Variants in PPP2R5A observed in about 807,000 individuals in gnomAD.
PPP2R5A encodes the protein protein phosphatase 2 regulatory subunit B'alpha.
In PPP2R5A, 25 loss-of-function variants were observed where a neutral mutation model predicts 64.2. The ratio of observed to expected loss-of-function variants is 0.39; its 90% confidence interval spans 0.28 to 0.54. PPP2R5A has a LOEUF of 0.54. Among genes scored for constraint, PPP2R5A ranks in the 20% least tolerant of loss-of-function variants. PPP2R5A has a pLI of 0.67. For missense variants in PPP2R5A, 425 were observed against 576.3 expected, an observed-to-expected ratio of 0.74 and a Z score of 2.69; for synonymous variants, 198 against 201.2, an observed-to-expected ratio of 0.98 and a Z score of 0.13.
intron 11 of PPP2R5A, 40 bp downstream of exon 11, chr1:212,357,324 T>C (rs1413687917): frequency 7.5e-6 from 11 of 1,461,796 alleles, no homozygotes; most frequent in Non-Finnish European, 1.0e-5. Flanking sequence ...TTTCTTTTTT[T>C]TTTTTTATAT....
intron 1 of PPP2R5A, among the ~76,000 whole-genome samples, chr1:212,288,594 C>T (rs1658547587): frequency 6.6e-6 from 1 of 152,026 alleles, no homozygotes; most frequent in Non-Finnish European, 1.5e-5. Flanking sequence ...TCTTTTACTC[C>T]AGATGCCAAA....
chr1:212,286,144 A>G lies in PPP2R5A; in HGVS notation c.34A>G (p.Ser12Gly), dbSNP rs1015768432. The change falls in exon 1 of 13, where the codon AGC becomes GGC. Residue 12 changes from serine to glycine, a missense_variant. Physicochemically the swap from Ser to Gly is moderately conservative, Grantham distance 56. Transcript: ENST00000261461. ...GTCGTCGCCGCCGGCGGGGGCTGCC[A>G]GCGCCGCCATCTCGGCCTCGGAGAA... ...SSSSPPAGAASAAISASEKVD... is the reference protein window; with the variant it reads ...SSSSPPAGAAGAAISASEKVD... 2 of 1,586,478 alleles carry G rather than the reference A, an allele frequency of 1.3e-6. No homozygotes were observed. The highest frequency in any genetic ancestry group is 1.7e-6 in the Non-Finnish European group (2 of 1,168,640).
intron 3 of PPP2R5A, among the ~76,000 whole-genome samples, chr1:212,337,113 C>T (rs966404593): frequency 2.0e-5 from 3 of 152,150 alleles, no homozygotes; most frequent in Non-Finnish European, 4.4e-5. Context: ...AAGGTCATTT[C>T]AGTATTAGGG....
chr1:212,345,194 T>G (rs2102442624), intron 4 of PPP2R5A, among the ~76,000 whole-genome samples: 1 of 152,134 alleles, frequency 6.6e-6, no homozygotes, highest in East Asian at 1.9e-4. Context: ...TGGCCTCATC[T>G]TTTAGTCCAG....
intron 1 of PPP2R5A, among the ~76,000 whole-genome samples, chr1:212,288,025 A>T (rs1658534961): frequency 6.6e-6 from 1 of 152,028 alleles, no homozygotes; most frequent in African/African-American, 2.4e-5. Context: ...CTTTTATTTT[A>T]TTTATTTTAT....
intron 1 of PPP2R5A, among the ~76,000 whole-genome samples, chr1:212,288,919 C>G (rs1658552875): frequency 6.6e-6 from 1 of 152,200 alleles, no homozygotes; most frequent in South Asian, 2.1e-4. Flanking sequence ...ACTAGTTTTC[C>G]TCAAACCATA....
At chr1:212,314,825 G>A (rs1659115664) in intron 1 of PPP2R5A, among the ~76,000 whole-genome samples, 2 of 152,040 alleles carry the variant, frequency 1.3e-5, no homozygotes, top group African/African-American at 4.8e-5. Flanking sequence ...GCCTCCCGAA[G>A]TGTTGGGATT....
chr1:212,308,491 C>A (rs1444570863), intron 1 of PPP2R5A, among the ~76,000 whole-genome samples: 3 of 151,630 alleles, frequency 2.0e-5, no homozygotes, highest in African/African-American at 7.3e-5. Flanking sequence ...TCACTGCAAC[C>A]TGTGCCTCTC....
chr1:212,345,028 G>A (rs1422160738), intron 4 of PPP2R5A, among the ~76,000 whole-genome samples: 1 of 152,098 alleles, frequency 6.6e-6, no homozygotes. Context: ...AGCTGGGTGT[G>A]GTGGCATGTG....
rs754862725 is a variant in PPP2R5A at position 212,357,331 on chromosome 1, A to ATATC, written c.1226+49_1226+52dup. The ATATC allele has an allele frequency of 5.9e-6, 7 of 1,194,164 alleles. No homozygotes were observed. The African/African-American group carries it at 1.0e-4, about 17-fold the overall frequency. The allele number at this position is 1,194,164 out of a possible 1,614,324, so 74.0% of individuals were successfully genotyped here. Reference sequence around the variant, plus strand: ...CGTATTTTTTTCTTTTTTTTTTTTTATATCTTTTTGTTATTGATTTCCTAA... The same window carrying ATATC: ...CGTATTTTTTTCTTTTTTTTTTTTTATATCTATCTTTTTGTTATTGATTTCCTAA... On this transcript the variant is annotated intron_variant, in intron 11 of 12. Transcript: ENST00000261461.
At chr1:212,348,028 A>G (rs973883966) in intron 6 of PPP2R5A, among the ~76,000 whole-genome samples, 1 of 152,222 alleles carries the variant, frequency 6.6e-6, no homozygotes, top group Non-Finnish European at 1.5e-5. Context: ...CAAAGTAAGA[A>G]AAATTACCCA....
intron 3 of PPP2R5A, among the ~76,000 whole-genome samples, chr1:212,341,619 C>G (rs1010005066): frequency 2.6e-5 from 4 of 152,096 alleles, no homozygotes; most frequent in African/African-American, 9.7e-5. Context: ...TCCTTATTTT[C>G]TAGCTCCTGT....
chr1:212,322,189 A>G (rs1330791473), intron 1 of PPP2R5A, among the ~76,000 whole-genome samples: 1 of 138,596 alleles, frequency 7.2e-6, no homozygotes, highest in Non-Finnish European at 1.5e-5. Flanking sequence ...AAAGAGAGGG[A>G]GAGGGAGACC....
chr1:212,319,009 A>G (rs1659210496), intron 1 of PPP2R5A, among the ~76,000 whole-genome samples: 1 of 152,222 alleles, frequency 6.6e-6, no homozygotes, highest in Non-Finnish European at 1.5e-5. Context: ...CTCTTCATTT[A>G]AATAGAGGTC....
intron 1 of PPP2R5A, among the ~76,000 whole-genome samples, chr1:212,312,548 G>T (rs1222867317): frequency 6.6e-6 from 1 of 152,148 alleles, no homozygotes; most frequent in Non-Finnish European, 1.5e-5. Flanking sequence ...CTCTGGACTA[G>T]AATTTTAGCT....
At chr1:212,291,520 G>A (rs541324880) in intron 1 of PPP2R5A, among the ~76,000 whole-genome samples, 2 of 152,276 alleles carry the variant, frequency 1.3e-5, no homozygotes, top group East Asian at 1.9e-4. Context: ...TGATTCTAAC[G>A]CGCAGCCAGG....
chr1:212,309,623 ACT>A lies in PPP2R5A; in HGVS notation c.182-19508_182-19507del, dbSNP rs1306279068. 8.8e-6 allele frequency: 5 copies of A among 568,540 alleles called. No homozygotes were observed. The East Asian group carries it at 1.2e-4, about 14-fold the overall frequency. 35.2% of individuals were successfully genotyped at this position (568,540 alleles called of 1,614,324 possible). A position where few individuals can be genotyped will look rare whatever the true frequency, so the allele number is the denominator to read the frequency against. On this transcript the variant is annotated intron_variant, in intron 1 of 12. Coordinates refer to ENST00000261461, the MANE Select transcript of PPP2R5A (RefSeq NM_006243.4). ...ATTCTGTTAAATCCAACATACGGTC[ACT>A]CTCACAGGCAGGTTCTACAACCTTC...
At chr1:212,355,490 A>G (rs1392983104) in intron 8 of PPP2R5A, among the ~76,000 whole-genome samples, 1 of 152,144 alleles carries the variant, frequency 6.6e-6, no homozygotes, top group African/African-American at 2.4e-5. Flanking sequence ...TCAAAGATCT[A>G]TTTCCACAAA....
chr1:212,336,774 A>C (rs889923488), intron 3 of PPP2R5A, among the ~76,000 whole-genome samples: 1 of 152,158 alleles, frequency 6.6e-6, no homozygotes, highest in Non-Finnish European at 1.5e-5. Flanking sequence ...GCTCAATGAA[A>C]GTTTCTTCTG....
Sources: allele counts gnomAD v4.1 joint callset (sites outside exome capture counted in the v4.1 genomes callset), GRCh38; gene constraint gnomAD v4.1.1; transcripts MANE v1.5; gene names NCBI Gene and HGNC (gene_info 2026-07-23, HGNC 2026-07-21).